XNDC1N: variants seen among roughly 807,000 people sequenced by gnomAD.
The protein encoded by XNDC1N is XRCC1 N-terminal domain containing 1, N-terminal like.
chr11:71,893,683 G>C, the XNDC1N span: 47 of 1,335,098 alleles, frequency 3.5e-5, no homozygotes, highest in Admixed American at 8.5e-4. Flanking sequence ...GGCTGACACC[G>C]GTTTCACCTC....
chr11:71,911,360 A>T, the XNDC1N span, among the ~76,000 whole-genome samples: 1 of 152,178 alleles, frequency 6.6e-6, no homozygotes, highest in Non-Finnish European at 1.5e-5. Context: ...GTCGAGCCTG[A>T]TTGTGTAGAA....
At chr11:71,897,100 C>A in the XNDC1N span, among the ~76,000 whole-genome samples, 1 of 152,166 alleles carries the variant, frequency 6.6e-6, no homozygotes, top group Non-Finnish European at 1.5e-5. Context: ...AGAGACCTCA[C>A]CCCAAGCGCT....
At chr11:71,889,002 G>A in the XNDC1N span, among the ~76,000 whole-genome samples, 1 of 152,210 alleles carries the variant, frequency 6.6e-6, no homozygotes, top group Admixed American at 6.5e-5. Flanking sequence ...TTGGATGGGA[G>A]CAGCTTCTTC....
At chr11:71,889,211 C>T in the XNDC1N span, among the ~76,000 whole-genome samples, 629 of 152,192 alleles carry the variant, frequency 4.1e-3, 2 homozygotes, top group African/African-American at 0.014. Flanking sequence ...GTTCATGGAG[C>T]GTGATAGAAA....
chr11:71,922,290 T>A, the XNDC1N span, among the ~76,000 whole-genome samples: 1 of 151,948 alleles, frequency 6.6e-6, no homozygotes, highest in African/African-American at 2.4e-5. Flanking sequence ...CTCTAAGGGT[T>A]TTTTTGTTTG....
chr11:71,919,993 T>C, the XNDC1N span, among the ~76,000 whole-genome samples: 2 of 120,060 alleles, frequency 1.7e-5, no homozygotes, highest in East Asian at 6.0e-4. Flanking sequence ...GCTCTGTCTC[T>C]GTCGTCCAGG....
chr11:71,888,743 G>A, the XNDC1N span, among the ~76,000 whole-genome samples: 1 of 152,216 alleles, frequency 6.6e-6, no homozygotes, highest in South Asian at 2.1e-4. Flanking sequence ...CTCCCGTGCT[G>A]TCGTGACTTT....
chr11:71,877,202 A>T, the XNDC1N span, among the ~76,000 whole-genome samples: 1 of 152,260 alleles, frequency 6.6e-6, no homozygotes, highest in African/African-American at 2.4e-5. Flanking sequence ...GTATTATAGA[A>T]GTAGCACCAA....
chr11:71,908,911 T>A, the XNDC1N span, among the ~76,000 whole-genome samples: 1 of 152,078 alleles, frequency 6.6e-6, no homozygotes, highest in Non-Finnish European at 1.5e-5. Context: ...AGAGGGGATA[T>A]GCAAAGGCTA....
chr11:71,899,797 A>G, the XNDC1N span, among the ~76,000 whole-genome samples: 1 of 152,120 alleles, frequency 6.6e-6, no homozygotes. Context: ...CGAGCCCGAC[A>G]CCCGTAAAGG....
the XNDC1N span, among the ~76,000 whole-genome samples, chr11:71,875,335 G>C: frequency 6.6e-6 from 1 of 152,048 alleles, no homozygotes. Context: ...GATCTTTTAA[G>C]TGATCAAGTA....
At chr11:71,918,382 G>A in the XNDC1N span, among the ~76,000 whole-genome samples, 3 of 151,930 alleles carry the variant, frequency 2.0e-5, no homozygotes, top group Non-Finnish European at 4.4e-5. Flanking sequence ...CCTGGGCTCA[G>A]GTGATCCTCC....
At chr11:71,866,256 T>C in the XNDC1N span, among the ~76,000 whole-genome samples, 1 of 141,312 alleles carries the variant, frequency 7.1e-6, no homozygotes, top group African/African-American at 3.1e-5. Flanking sequence ...GGTGCAGAAA[T>C]CCACGTTTTA....
the XNDC1N span, among the ~76,000 whole-genome samples, chr11:71,875,056 CT>C: frequency 6.6e-6 from 1 of 152,066 alleles, no homozygotes; most frequent in South Asian, 2.1e-4. Flanking sequence ...GAGAAGCCCC[CT>C]GGGACAATCT....
At chr11:71,926,626 C>G in the XNDC1N span, among the ~76,000 whole-genome samples, 2 of 152,152 alleles carry the variant, frequency 1.3e-5, no homozygotes, top group Admixed American at 6.5e-5. Context: ...CTAGGCTGGG[C>G]GTGGTGGCTC....
chr11:71,885,324 C>A, the XNDC1N span, among the ~76,000 whole-genome samples: 4 of 152,102 alleles, frequency 2.6e-5, no homozygotes, highest in Non-Finnish European at 4.4e-5. Context: ...ATCATGGGAA[C>A]AATATCCTTG....
At chr11:71,888,529 A>G in the XNDC1N span, among the ~76,000 whole-genome samples, 1 of 152,184 alleles carries the variant, frequency 6.6e-6, no homozygotes, top group Non-Finnish European at 1.5e-5. Context: ...CTTTTCCATT[A>G]TATGCATCAG....
At chr11:71,869,590 T>G in the XNDC1N span, among the ~76,000 whole-genome samples, 45 of 152,226 alleles carry the variant, frequency 3.0e-4, no homozygotes, top group Non-Finnish European at 4.9e-4. Context: ...GTTTTTCATA[T>G]CTATCAGATC....
At chr11:71,893,692 T>A in the XNDC1N span, 2 of 1,332,876 alleles carry the variant, frequency 1.5e-6, no homozygotes, top group Non-Finnish European at 2.1e-6. Context: ...CGGTTTCACC[T>A]CGGCCACGGT....
Sources: gnomAD v4.1 joint callset for allele counts (sites outside exome capture counted in the v4.1 genomes callset) on GRCh38, gnomAD v4.1.1 for gene constraint, MANE v1.5 for transcripts, NCBI Gene and HGNC (gene_info 2026-07-23, HGNC 2026-07-21) for gene names.